The following RBFOX1 variants were observed in gnomAD, a reference collection of about 807,000 sequenced individuals.
RBFOX1 encodes RNA binding fox-1 homolog 1, also known as RNA binding protein fox-1 homolog 1.
Under a neutral mutation model 57.7 loss-of-function variants are expected in RBFOX1, and 8 were observed. That is an observed-to-expected ratio of 0.14 (90% confidence interval 0.08 to 0.25). RBFOX1 has a LOEUF of 0.25. Among genes scored for constraint, RBFOX1 ranks in the 10% least tolerant of loss-of-function variants. The probability of loss-of-function intolerance (pLI) is 1.00; values close to 1 mark genes in which losing one functional copy is unlikely to be tolerated. For synonymous variants in RBFOX1, 326 were observed against 222.4 expected (o/e 1.47, Z -4.15); for missense variants, 611 against 548.5 (o/e 1.11, Z -1.14).
chr16:5,690,316 G>GGAAT (rs2050634457), intron 3 of RBFOX1, among the ~76,000 whole-genome samples: 2 of 152,156 alleles, frequency 1.3e-5, no homozygotes, highest in Non-Finnish European at 2.9e-5. Context: ...TCTCCTGAAA[G>GGAAT]GAATACTCCT....
chr16:7,560,295 T>C (rs1204924751), intron 5 of RBFOX1, among the ~76,000 whole-genome samples: 1 of 152,208 alleles, frequency 6.6e-6, no homozygotes, highest in African/African-American at 2.4e-5. Context: ...CTCTGATCCT[T>C]GCATTTTTAG....
chr16:5,300,727 T>C (rs2063782891), intron 1 of RBFOX1, among the ~76,000 whole-genome samples: 1 of 152,236 alleles, frequency 6.6e-6, no homozygotes, highest in African/African-American at 2.4e-5. Context: ...TTTTTGGTTT[T>C]GGTACTTTGT....
At chr16:7,163,394 G>C (rs1045743246) in intron 4 of RBFOX1, among the ~76,000 whole-genome samples, 5 of 152,088 alleles carry the variant, frequency 3.3e-5, no homozygotes, top group Non-Finnish European at 5.9e-5. Flanking sequence ...CACAGTTGAG[G>C]AAATTTCATC....
intron 2 of RBFOX1, among the ~76,000 whole-genome samples, chr16:6,372,707 G>C (rs1224806415): frequency 6.6e-6 from 1 of 151,864 alleles, no homozygotes; most frequent in East Asian, 2.0e-4. Context: ...TAGGAGGATA[G>C]TTGGGTGGAA....
At chr16:5,256,152 C>G (rs2062586399) in intron 1 of RBFOX1, among the ~76,000 whole-genome samples, 1 of 152,126 alleles carries the variant, frequency 6.6e-6, no homozygotes, top group African/African-American at 2.4e-5. Context: ...ATGGAGAGGG[C>G]CTGGCCCAAT....
chr16:7,270,151 G>A (rs898665480), intron 4 of RBFOX1, among the ~76,000 whole-genome samples: 2 of 152,220 alleles, frequency 1.3e-5, no homozygotes, highest in Non-Finnish European at 2.9e-5. Context: ...CCCAGTGTAG[G>A]CAATGGGAAC....
At chr16:6,719,602 G>A (rs1307108427) in intron 3 of RBFOX1, among the ~76,000 whole-genome samples, 4 of 151,420 alleles carry the variant, frequency 2.6e-5, no homozygotes, top group African/African-American at 9.7e-5. Flanking sequence ...CACCACGCCC[G>A]GCTAATTTTT....
intron 1 of RBFOX1, among the ~76,000 whole-genome samples, chr16:6,138,270 C>T (rs1312430246): frequency 6.6e-6 from 1 of 152,220 alleles, no homozygotes; most frequent in East Asian, 1.9e-4. Flanking sequence ...AACTCTAAAT[C>T]ATTTTGAACA....
intron 2 of RBFOX1, among the ~76,000 whole-genome samples, chr16:6,613,233 C>T (rs1017653179): frequency 4.6e-5 from 7 of 152,038 alleles, no homozygotes; most frequent in South Asian, 2.1e-4. Flanking sequence ...CACTTCCCTT[C>T]CCTGTCATAT....
intron 4 of RBFOX1, among the ~76,000 whole-genome samples, chr16:5,879,288 A>T (rs147266147): frequency 4.7e-4 from 72 of 152,342 alleles, no homozygotes; most frequent in Middle Eastern, 3.4e-3. Context: ...TGGTAAGCAG[A>T]AGCTGGAGGG....
At chr16:5,243,080 G>A (rs1441992144) in intron 1 of RBFOX1, among the ~76,000 whole-genome samples, 9 of 151,992 alleles carry the variant, frequency 5.9e-5, no homozygotes, top group Admixed American at 5.9e-4. Flanking sequence ...CCACCCCATT[G>A]AGAAGGCCTA....
intron 3 of RBFOX1, among the ~76,000 whole-genome samples, chr16:7,013,963 G>T (rs1199088277): frequency 1.3e-5 from 2 of 152,072 alleles, no homozygotes; most frequent in African/African-American, 4.8e-5. Context: ...TGGCTAAAAT[G>T]CTATATACTC....
intron 10 of RBFOX1, among the ~76,000 whole-genome samples, chr16:7,628,545 G>T (rs1262081056): frequency 6.6e-6 from 1 of 152,110 alleles, no homozygotes; most frequent in Non-Finnish European, 1.5e-5. Flanking sequence ...TTAATCCCCA[G>T]TGACCTGCTA....
At chr16:6,875,438 C>A (rs554740692) in intron 3 of RBFOX1, among the ~76,000 whole-genome samples, 2 of 152,028 alleles carry the variant, frequency 1.3e-5, no homozygotes, top group Non-Finnish European at 2.9e-5. Context: ...TGGCTTCTTC[C>A]CAGGACTCAC....
At chr16:7,666,767 G>C (rs2069451921) in intron 13 of RBFOX1, among the ~76,000 whole-genome samples, 1 of 152,152 alleles carries the variant, frequency 6.6e-6, no homozygotes, top group African/African-American at 2.4e-5. Flanking sequence ...GACTAGAGAG[G>C]AAAAAGAAAA....
intron 4 of RBFOX1, among the ~76,000 whole-genome samples, chr16:7,480,802 G>A (rs1481369525): frequency 9.2e-5 from 14 of 152,076 alleles, no homozygotes; most frequent in Non-Finnish European, 2.1e-4. Flanking sequence ...GCTGGGCCTT[G>A]GCACTTATGG....
At chr16:5,847,152 G>A (rs1243737800) in intron 3 of RBFOX1, among the ~76,000 whole-genome samples, 1 of 152,158 alleles carries the variant, frequency 6.6e-6, no homozygotes, top group Non-Finnish European at 1.5e-5. Context: ...AATTGAATTT[G>A]GTGACTCCAG....
At chr16:7,042,246 G>A (rs972413573) in intron 3 of RBFOX1, among the ~76,000 whole-genome samples, 1 of 152,190 alleles carries the variant, frequency 6.6e-6, no homozygotes, top group Admixed American at 6.5e-5. Context: ...AGTAGCTAAT[G>A]AGCACCTGCT....
intron 3 of RBFOX1, among the ~76,000 whole-genome samples, chr16:5,754,611 A>G (rs1238301585): frequency 7.8e-6 from 1 of 127,958 alleles, no homozygotes; most frequent in Non-Finnish European, 1.6e-5. Context: ...CAGGGTCACA[A>G]GACAATTGTG....
Sources: gnomAD v4.1 joint callset for allele counts (sites outside exome capture counted in the v4.1 genomes callset) on GRCh38, gnomAD v4.1.1 for gene constraint, MANE v1.5 for transcripts, NCBI Gene and HGNC (gene_info 2026-07-23, HGNC 2026-07-21) for gene names.